NKAIN2: variants seen among roughly 807,000 people sequenced by gnomAD.
NKAIN2 encodes sodium/potassium transporting ATPase interacting 2.
Under a neutral mutation model 32.6 loss-of-function variants are expected in NKAIN2, and 14 were observed. The observed-to-expected ratio is 0.43, with a 90% confidence interval of 0.28 to 0.67. The LOEUF (loss-of-function observed/expected upper bound fraction) is 0.67. Ranked by LOEUF, NKAIN2 falls within the 30% of genes least tolerant of loss-of-function variation. The pLI, the probability that NKAIN2 is intolerant of heterozygous loss-of-function variation, is 0.17. For synonymous variants in NKAIN2, 80 were observed against 87.2 expected, an observed-to-expected ratio of 0.92 and a Z score of 0.46; for missense variants, 198 against 258.3, an observed-to-expected ratio of 0.77 and a Z score of 1.60.
intron 2 of NKAIN2, among the ~76,000 whole-genome samples, chr6:124,345,468 C>G (rs571593389): frequency 2.7e-4 from 41 of 152,174 alleles, no homozygotes; most frequent in African/African-American, 9.2e-4. Context: ...TGGTCCTGGA[C>G]TCTTTTTGGT....
At chr6:124,208,468 C>T (rs1791004200) in intron 1 of NKAIN2, among the ~76,000 whole-genome samples, 1 of 151,604 alleles carries the variant, frequency 6.6e-6, no homozygotes, top group South Asian at 2.1e-4. Flanking sequence ...ATGTTTCTAA[C>T]TAGTGTGCTA....
chr6:123,949,525 T>C (rs1320280981), intron 1 of NKAIN2, among the ~76,000 whole-genome samples: 1 of 151,956 alleles, frequency 6.6e-6, no homozygotes, highest in Non-Finnish European at 1.5e-5. Flanking sequence ...ACCCACTTTG[T>C]TGAATTTATT....
chr6:124,306,758 G>T (rs1301908481), intron 2 of NKAIN2, among the ~76,000 whole-genome samples: 1 of 152,120 alleles, frequency 6.6e-6, no homozygotes, highest in African/African-American at 2.4e-5. Context: ...TGCTGTTTGA[G>T]TTTGTGGATC....
chr6:123,812,179 G>C (rs530641556), intron 1 of NKAIN2, among the ~76,000 whole-genome samples: 1 of 152,030 alleles, frequency 6.6e-6, no homozygotes, highest in Non-Finnish European at 1.5e-5. Context: ...ACCAAGAAAT[G>C]TCTTTTTCTG....
chr6:124,582,851 T>C (rs529580612), intron 3 of NKAIN2, among the ~76,000 whole-genome samples: 1 of 152,156 alleles, frequency 6.6e-6, no homozygotes, highest in South Asian at 2.1e-4. Flanking sequence ...ACCATATCAA[T>C]AGAATGAAGG....
At chr6:123,828,372 A>T (rs1313663609) in intron 1 of NKAIN2, among the ~76,000 whole-genome samples, 4 of 140,714 alleles carry the variant, frequency 2.8e-5, no homozygotes, top group African/African-American at 1.2e-4. Flanking sequence ...TATTTGTGTG[A>T]ATAATTTATA....
chr6:124,067,574 G>A (rs978667177), intron 1 of NKAIN2, among the ~76,000 whole-genome samples: 14 of 152,142 alleles, frequency 9.2e-5, no homozygotes, highest in Non-Finnish European at 2.1e-4. Flanking sequence ...ACTTTGTACT[G>A]AAATGTATTT....
intron 1 of NKAIN2, among the ~76,000 whole-genome samples, chr6:123,960,891 A>C (rs192374480): frequency 2.8e-4 from 43 of 152,058 alleles, no homozygotes; most frequent in African/African-American, 1.0e-3. Flanking sequence ...GGGGATTAGC[A>C]TCCTAGGCAA....
At chr6:124,687,954 T>C (rs903210439) in intron 4 of NKAIN2, among the ~76,000 whole-genome samples, 1 of 151,810 alleles carries the variant, frequency 6.6e-6, no homozygotes, top group Non-Finnish European at 1.5e-5. Flanking sequence ...TATCACTGAT[T>C]AATTCTTCTT....
At chr6:124,704,643 CAGAG>C (rs10572050) in intron 4 of NKAIN2, among the ~76,000 whole-genome samples, 25,950 of 149,422 alleles carry the variant, frequency 0.17, 2,459 homozygotes, top group East Asian at 0.34. Flanking sequence ...GAGAAAGAGA[CAGAG>C]AGAGAGAGAG....
intron 4 of NKAIN2, among the ~76,000 whole-genome samples, chr6:124,675,592 T>G (rs1324153868): frequency 6.6e-6 from 1 of 152,086 alleles, no homozygotes; most frequent in African/African-American, 2.4e-5. Flanking sequence ...GATTATATAC[T>G]TTTAGGAATT....
Position 124,356,702 on chromosome 6 carries a change from T to C in NKAIN2, c.273+1355T>C, listed in dbSNP as rs1798997379. The stretch of plus-strand genomic sequence containing the variant: ...CCCAGACCAGATTGCTGCTTAAAAC[T>C]CACATTCGCCTCAGTGTAAGAAAAG... On this transcript the variant is annotated intron_variant, in intron 3 of 6. Transcript: ENST00000368417. Among the ~76,000 whole-genome samples the C allele has an allele frequency of 2.6e-5, 4 of 152,168 alleles. No individual in the cohort carries two copies. In the South Asian group the frequency reaches 8.3e-4, roughly 32 times the overall value.
chr6:124,166,249 G>A (rs1000853984), intron 1 of NKAIN2, among the ~76,000 whole-genome samples: 1 of 148,052 alleles, frequency 6.8e-6, no homozygotes, highest in African/African-American at 2.5e-5. Flanking sequence ...GTTTTGATTT[G>A]CATTTCTCTG....
At chr6:124,476,668 T>C (rs747149295) in intron 3 of NKAIN2, among the ~76,000 whole-genome samples, 1 of 152,172 alleles carries the variant, frequency 6.6e-6, no homozygotes, top group Non-Finnish European at 1.5e-5. Context: ...ATATACCCCA[T>C]GACAGCACCA....
chr6:124,317,409 G>C (rs1429641512), intron 2 of NKAIN2, among the ~76,000 whole-genome samples: 1 of 152,008 alleles, frequency 6.6e-6, no homozygotes, highest in Non-Finnish European at 1.5e-5. Flanking sequence ...ACATTTTGGA[G>C]GGACTAGTTT....
At chr6:124,360,950 A>G (rs1042225067) in intron 3 of NKAIN2, among the ~76,000 whole-genome samples, 2 of 152,150 alleles carry the variant, frequency 1.3e-5, no homozygotes, top group African/African-American at 2.4e-5. Flanking sequence ...AGTTTTGACA[A>G]TTCCTCATAT....
rs759480643 is a variant in NKAIN2 at position 123,994,272 on chromosome 6, G to A, written c.54+190018G>A. Among the ~76,000 whole-genome samples the A allele has an allele frequency of 2.6e-5, 4 of 151,324 alleles. No individual in the cohort carries two copies. In the South Asian group the frequency reaches 8.3e-4, roughly 32 times the overall value. On this transcript the variant is annotated intron_variant, in intron 1 of 6. Coordinates refer to ENST00000368417, the MANE Select transcript of NKAIN2 (RefSeq NM_001040214.3). ...TACGCTTACTCTGGGGACCTTGAACGGTGCATAGAAAGGCTGTTTTGTTTT... is the reference window on the plus strand; with the variant it reads ...TACGCTTACTCTGGGGACCTTGAACAGTGCATAGAAAGGCTGTTTTGTTTT...
intron 1 of NKAIN2, among the ~76,000 whole-genome samples, chr6:124,166,910 G>T (rs1200961669): frequency 6.7e-6 from 1 of 148,398 alleles, no homozygotes; most frequent in Non-Finnish European, 1.5e-5. Flanking sequence ...ATGCTGTTTT[G>T]GTTACTGTAG....
intron 4 of NKAIN2, among the ~76,000 whole-genome samples, chr6:124,731,691 C>G (rs911734442): frequency 6.6e-6 from 1 of 151,252 alleles, no homozygotes; most frequent in Non-Finnish European, 1.5e-5. Flanking sequence ...CACATGTACC[C>G]TAAAACTTAA....
Sources: allele counts gnomAD v4.1 joint callset (sites outside exome capture counted in the v4.1 genomes callset), GRCh38; gene constraint gnomAD v4.1.1; transcripts MANE v1.5; gene names NCBI Gene and HGNC (gene_info 2026-07-23, HGNC 2026-07-21).